The following PDE6A variants were observed in gnomAD, a reference collection of about 807,000 sequenced individuals.
PDE6A encodes phosphodiesterase 6A.
Under a neutral mutation model 106.3 loss-of-function variants are expected in PDE6A, and 84 were observed. The ratio of observed to expected loss-of-function variants is 0.79; its 90% CI spans 0.66 to 0.95. The LOEUF (loss-of-function observed/expected upper bound fraction) is 0.95. PDE6A is among the 40% of genes least tolerant of loss of function. The pLI is 0.00. For synonymous variants in PDE6A, 394 were observed against 386.6 expected (o/e 1.02, Z -0.23); for missense variants, 1,052 against 1,084.9 (o/e 0.97, Z 0.43).
intron 13 of PDE6A, among the ~76,000 whole-genome samples, chr5:149,889,446 T>C (rs1272292073): frequency 2.0e-5 from 3 of 152,038 alleles, no homozygotes; most frequent in Non-Finnish European, 4.4e-5. Context: ...ATTTATCTTA[T>C]TTTATTTTTG....
chr5:149,893,301 CCTCCAGATTCCTGGAAGTATA>C (rs557261892), intron 13 of PDE6A, among the ~76,000 whole-genome samples: 245 of 152,316 alleles, frequency 1.6e-3, no homozygotes, highest in African/African-American at 5.6e-3. Flanking sequence ...TCAAAAGGTC[CCTCCAGATTCCTGGAAGTATA>C]CACCTGTTGG....
At chr5:149,908,079 T>C (rs1008813964) in intron 6 of PDE6A, among the ~76,000 whole-genome samples, 15 of 152,258 alleles carry the variant, frequency 9.9e-5, no homozygotes, top group African/African-American at 3.4e-4. Flanking sequence ...TTCCTGTACC[T>C]GTTAGTTTAA....
rs139060901 is a variant in PDE6A, at chr5:149,880,208, AG to A, written c.2135+3220del. Among the ~76,000 whole-genome samples the A allele has an allele frequency of 5.6e-3, 848 of 152,272 alleles. 7 individuals carry two copies. Among genetic ancestry groups the A allele is most frequent in the African/African-American group, 0.02 (815 of 41,552 alleles). On this transcript the variant is annotated intron_variant, in intron 17 of 21. Transcript: ENST00000255266. ...CTTCCTAATTCCCCCAGAATAAAGCAGGGTTTTTTTGTTTGTTTGTTGGTTG... is the reference window on the plus strand; with the variant it reads ...CTTCCTAATTCCCCCAGAATAAAGCAGGTTTTTTTGTTTGTTTGTTGGTTG...
intron 4 of PDE6A, among the ~76,000 whole-genome samples, chr5:149,922,367 A>G (rs1192819717): frequency 6.6e-6 from 1 of 152,052 alleles, no homozygotes; most frequent in Non-Finnish European, 1.5e-5. Flanking sequence ...GCTGGAGTGC[A>G]GTGGCTCCAT....
intron 6 of PDE6A, among the ~76,000 whole-genome samples, chr5:149,908,176 T>C (rs935780764): frequency 3.3e-5 from 5 of 152,046 alleles, no homozygotes; most frequent in Non-Finnish European, 7.4e-5. Flanking sequence ...ATTCATTCAT[T>C]TTACTGACTT....
chr5:149,877,185 T>A (rs1218694975), intron 17 of PDE6A, among the ~76,000 whole-genome samples: 2 of 152,176 alleles, frequency 1.3e-5, no homozygotes, highest in African/African-American at 4.8e-5. Flanking sequence ...TTTCACCTGC[T>A]GCCCCCCTAT....
At chr5:149,864,814 G>A (rs1032679477) in intron 20 of PDE6A, among the ~76,000 whole-genome samples, 1 of 152,146 alleles carries the variant, frequency 6.6e-6, no homozygotes, top group East Asian at 1.9e-4. Context: ...TCTTGGGCGG[G>A]TCACTACCAG....
intron 2 of PDE6A, 139 bp downstream of exon 2, chr5:149,934,427 T>A: frequency 1.2e-6 from 1 of 843,186 alleles, no homozygotes; most frequent in Non-Finnish European, 2.0e-6. Flanking sequence ...TTATCCTGCC[T>A]CCCTCAGAGA....
At chr5:149,910,695 A>G (rs1288520353) in intron 6 of PDE6A, among the ~76,000 whole-genome samples, 1 of 152,154 alleles carries the variant, frequency 6.6e-6, no homozygotes, top group Non-Finnish European at 1.5e-5. Context: ...TGAAAATTAC[A>G]GGAGACCATT....
intron 4 of PDE6A, among the ~76,000 whole-genome samples, chr5:149,926,794 A>G (rs944207665): frequency 1.3e-5 from 2 of 152,130 alleles, no homozygotes; most frequent in East Asian, 3.9e-4. Context: ...CCTGGCCAAC[A>G]TAGTAAAACC....
chr5:149,900,488 T>A (rs1752937225), intron 8 of PDE6A, among the ~76,000 whole-genome samples: 1 of 150,132 alleles, frequency 6.7e-6, no homozygotes, highest in Non-Finnish European at 1.5e-5. Flanking sequence ...AGGTTGCTCA[T>A]AATCTGTAAG....
intron 18 of PDE6A, 68 bp from the exon 19 acceptor site, chr5:149,867,867 C>T (rs1292844282): frequency 6.9e-7 from 1 of 1,446,524 alleles, no homozygotes; most frequent in East Asian, 2.3e-5. Context: ...CCTGCTCCCA[C>T]CCCACTTGCA....
At chr5:149,868,256 G>A in intron 17 of PDE6A, 98 bp from the exon 18 acceptor site, 1 of 1,223,788 alleles carries the variant, frequency 8.2e-7, no homozygotes. Flanking sequence ...CCCACTAGTA[G>A]GTGACTTTGT....
At chr5:149,884,711 C>T (rs1280759940) in intron 15 of PDE6A, 69 bp downstream of exon 15, 1 of 1,499,992 alleles carries the variant, frequency 6.7e-7, no homozygotes, top group Non-Finnish European at 9.3e-7. Context: ...TGGGCACACT[C>T]AGGCTCCTTG....
chr5:149,919,662 T>G (rs866797229), intron 5 of PDE6A, among the ~76,000 whole-genome samples: 1 of 152,204 alleles, frequency 6.6e-6, no homozygotes, highest in Non-Finnish European at 1.5e-5. Flanking sequence ...CATATTCATG[T>G]ACAAATTCAC....
At chr5:149,887,301 C>T (rs370089668) in intron 13 of PDE6A, among the ~76,000 whole-genome samples, 7 of 152,194 alleles carry the variant, frequency 4.6e-5, no homozygotes, top group South Asian at 2.1e-4. Flanking sequence ...ATGCCAGACA[C>T]GAAAGGACGA....
chr5:149,930,731 T>C (rs763552411), intron 4 of PDE6A, among the ~76,000 whole-genome samples: 4 of 152,234 alleles, frequency 2.6e-5, no homozygotes, highest in African/African-American at 9.6e-5. Context: ...TCAACCCACA[T>C]AGAAATTTCT....
At chr5:149,940,239 C>G (rs570404986) in intron 1 of PDE6A, 1 of 152,130 alleles carries the variant, frequency 6.6e-6, no homozygotes, top group African/African-American at 2.4e-5. Context: ...TGACATAGAT[C>G]GTTATGAGGG....
At chr5:149,881,236 TC>T (rs1480244090) in intron 17 of PDE6A, among the ~76,000 whole-genome samples, 2 of 152,288 alleles carry the variant, frequency 1.3e-5, no homozygotes, top group African/African-American at 4.8e-5. Flanking sequence ...ACCCAACATC[TC>T]ATTACTGGGT....
Sources: gnomAD v4.1 joint callset for allele counts (sites outside exome capture counted in the v4.1 genomes callset) on GRCh38, gnomAD v4.1.1 for gene constraint, MANE v1.5 for transcripts, NCBI Gene and HGNC (gene_info 2026-07-23, HGNC 2026-07-21) for gene names.